The following ZBTB11 variants were observed in gnomAD, a reference collection of about 807,000 sequenced individuals.
ZBTB11 encodes zinc finger and BTB domain containing 11.
ZBTB11 carries 68 observed loss-of-function variants against 113.1 expected under a neutral mutation model. That is an observed-to-expected ratio of 0.60 (90% CI 0.49 to 0.74). The LOEUF (loss-of-function observed/expected upper bound fraction) is 0.74. Among genes scored for constraint, ZBTB11 ranks in the 30% least tolerant of loss-of-function variants. The pLI, the probability that ZBTB11 is intolerant of heterozygous loss-of-function variation, is 0.00. For missense variants in ZBTB11, 1,104 were observed against 1,279.4 expected (o/e 0.86, Z 2.09); for synonymous variants, 518 against 452.6 (o/e 1.14, Z -1.83).
rs1228499576 is a variant in ZBTB11 at position 101,664,698 on chromosome 3, A to G, written c.1640T>C (p.Val547Ala). The change falls in exon 5 of 11, where the codon GTT becomes GCT. Residue 547 changes from valine (V) to alanine (A), a missense_variant. Val to Ala is a moderately conservative substitution (Grantham distance 64). Coordinates refer to ENST00000312938, the MANE Select transcript of ZBTB11 (RefSeq NM_014415.4). ...SAVQQVAQKL[V>A]QRGKKMKQPK... ...CTGTTTCATCTTTTTTCCTCTTTGAACTAACTTCTGAGCCACCTAGTAAGG... is the reference window on the plus strand; with the variant it reads ...CTGTTTCATCTTTTTTCCTCTTTGAGCTAACTTCTGAGCCACCTAGTAAGG... 2 of 1,607,558 alleles carry G rather than the reference A, an allele frequency of 1.2e-6. No homozygotes were observed. The highest frequency in any genetic ancestry group is 1.7e-6 in the Non-Finnish European group (2 of 1,178,232).
chr3:101,665,090 A>G lies in ZBTB11; in HGVS notation c.1497T>C (p.Asp499=), dbSNP rs1195515460. Residue 499 remains aspartate, a synonymous_variant, in exon 4 of 11, where the codon GAT becomes GAC. Transcript: ENST00000312938. Reference sequence around the variant, plus strand: ...GAAGCCTGCTTCTATAAGTATCATCATCAGGGCCAAAGTCTGTCTTTGCTG... The same window carrying G: ...GAAGCCTGCTTCTATAAGTATCATCGTCAGGGCCAAAGTCTGTCTTTGCTG... ...ASTAKTDFGP[D]DDTYRSRLRQ... 2 of 1,614,130 alleles carry G rather than the reference A, an allele frequency of 1.2e-6. No homozygotes were observed. The highest frequency in any genetic ancestry group is 2.2e-5 in the East Asian group (1 of 44,876).
At chr3:101,664,496 T>C (rs1396713083) in intron 5 of ZBTB11, 42 bp downstream of exon 5, 7 of 1,550,868 alleles carry the variant, frequency 4.5e-6, no homozygotes, top group African/African-American at 4.2e-5. Flanking sequence ...TTCTATATAT[T>C]ATGAATTAGA....
chr3:101,673,900 T>C (rs532986983), intron 1 of ZBTB11, among the ~76,000 whole-genome samples: 42 of 152,312 alleles, frequency 2.8e-4, no homozygotes, highest in African/African-American at 9.6e-4. Flanking sequence ...ATTATAAAAG[T>C]ATACACTGAA....
intron 6 of ZBTB11, among the ~76,000 whole-genome samples, chr3:101,658,708 G>A (rs576909981): frequency 5.9e-5 from 9 of 152,146 alleles, no homozygotes; most frequent in Non-Finnish European, 1.2e-4. Flanking sequence ...ATTGGGAGCT[G>A]AGCTATGAAT....
intron 5 of ZBTB11, among the ~76,000 whole-genome samples, chr3:101,660,707 C>T (rs1374786740): frequency 6.6e-6 from 1 of 152,104 alleles, no homozygotes; most frequent in Non-Finnish European, 1.5e-5. Flanking sequence ...TTCCATTACC[C>T]CTCTTTATCA....
intron 3 of ZBTB11, among the ~76,000 whole-genome samples, chr3:101,669,977 C>T (rs948268596): frequency 6.6e-6 from 1 of 151,866 alleles, no homozygotes; most frequent in African/African-American, 2.4e-5. Flanking sequence ...TACAGGCATG[C>T]GCCACCGTGC....
chr3:101,651,233 AG>A lies in ZBTB11; in HGVS notation c.3094del (p.Leu1032TyrfsTer13). ...TTGAATAGCTTCTGCAACTTCAGAT[AG>A]CTTCTGTCCTTGCTGTTGTGCTAAT... is the stretch of plus-strand genomic sequence containing the variant. ...YVLAQQQGQK[L>X]SEVAEAIQTV... On this transcript the variant is annotated frameshift_variant, in exon 11 of 11. Coordinates refer to ENST00000312938, the MANE Select transcript of ZBTB11 (RefSeq NM_014415.4). LOFTEE classifies it high-confidence loss of function. The A allele has an allele frequency of 1.2e-6, 2 of 1,612,684 alleles. No homozygotes were observed. Among genetic ancestry groups the A allele is most frequent in the Non-Finnish European group, 1.7e-6 (2 of 1,179,642 alleles).
At chr3:101,651,974 C>G (rs907421145) in intron 10 of ZBTB11, among the ~76,000 whole-genome samples, 2 of 152,006 alleles carry the variant, frequency 1.3e-5, no homozygotes, top group African/African-American at 4.8e-5. Context: ...ACTAAAAATA[C>G]AAAAATTAGC....
intron 1 of ZBTB11, among the ~76,000 whole-genome samples, chr3:101,676,235 G>A (rs889515129): frequency 1.3e-5 from 2 of 151,954 alleles, no homozygotes; most frequent in Admixed American, 6.5e-5. Context: ...CGTGCACCCC[G>A]CAGCCTCCAC....
intron 8 of ZBTB11, among the ~76,000 whole-genome samples, chr3:101,653,250 T>C (rs1419720947): frequency 6.6e-6 from 1 of 152,240 alleles, no homozygotes. Flanking sequence ...AGTCCATGTG[T>C]TGAGGGTAGA....
At chr3:101,656,035 T>C (rs1237431907) in intron 7 of ZBTB11, 69 bp downstream of exon 7, 3 of 1,149,700 alleles carry the variant, frequency 2.6e-6, no homozygotes, top group Non-Finnish European at 3.5e-6. Flanking sequence ...ATATAATTTC[T>C]GGTATAATTA....
chr3:101,651,369 CCA>C lies in ZBTB11; in HGVS notation c.2957_2958del (p.Val986GlyfsTer17), dbSNP rs1415218315. On this transcript the variant is annotated frameshift_variant, in exon 11 of 11. Coordinates refer to ENST00000312938, the MANE Select transcript of ZBTB11 (RefSeq NM_014415.4). LOFTEE classifies it high-confidence loss of function. The part of the protein sequence containing the change: ...ESSGPQELET[V>X]VVTGETMEAL... ...GCTTCCATAGTTTCTCCTGTCACTA[CCA>C]CAGTCTCAAGTTCTTGAGGACCACT... The C allele has an allele frequency of 6.2e-7, 1 of 1,613,972 alleles. No homozygotes were observed. Among genetic ancestry groups the C allele is most frequent in the Non-Finnish European group, 8.5e-7 (1 of 1,179,902 alleles).
chr3:101,674,540 G>A (rs1406542875), intron 1 of ZBTB11, among the ~76,000 whole-genome samples: 2 of 151,420 alleles, frequency 1.3e-5, no homozygotes, highest in Admixed American at 6.6e-5. Flanking sequence ...GTGAAACCCC[G>A]TCGCTACTAA....
At position 101,651,576 on chromosome 3, in the gene ZBTB11, C is replaced by T; in HGVS notation, c.2752G>A (p.Val918Ile). 1 of 1,613,682 alleles carries T rather than the reference C, an allele frequency of 6.2e-7. No individual in the cohort carries two copies. The highest frequency in any genetic ancestry group is 8.5e-7 in the Non-Finnish European group (1 of 1,179,988). Residue 918 changes from valine (V) to isoleucine (I), a missense_variant, in exon 11 of 11, where the codon GTA (valine) becomes ATA (isoleucine). Val to Ile is a conservative substitution (Grantham distance 29). Transcript: ENST00000312938. ...HTGERPYVCP[V>I]CSEAYIDART... ...GCATCTATGTAGGCTTCGCTACATA[C>T]AGGACAGACATAGGGCCGTTCACCA...
chr3:101,658,164 C>T (rs1936829119), intron 6 of ZBTB11, among the ~76,000 whole-genome samples: 1 of 151,638 alleles, frequency 6.6e-6, no homozygotes, highest in Non-Finnish European at 1.5e-5. Flanking sequence ...TAAAAATGAA[C>T]AAAATAATGG....
At chr3:101,670,329 G>C (rs988555295) in intron 3 of ZBTB11, among the ~76,000 whole-genome samples, 7 of 152,136 alleles carry the variant, frequency 4.6e-5, no homozygotes, top group Admixed American at 3.9e-4. Context: ...GTTACAGCAA[G>C]TTTTATATGA....
chr3:101,658,133 C>T (rs996217629), intron 6 of ZBTB11, among the ~76,000 whole-genome samples: 18 of 152,126 alleles, frequency 1.2e-4, no homozygotes, highest in African/African-American at 3.9e-4. Context: ...TATAAATATA[C>T]CATGGAATAC....
chr3:101,664,923 TA>T, intron 4 of ZBTB11, 40 bp downstream of exon 4: 2 of 1,562,000 alleles, frequency 1.3e-6, no homozygotes, highest in Non-Finnish European at 1.7e-6. Context: ...GCTTTCAACC[TA>T]AAGCTAAAAC....
Position 101,651,103 on chromosome 3 carries a change from A to C in ZBTB11, c.*63T>G. On this transcript the variant is annotated 3_prime_UTR_variant, in exon 11 of 11. Coordinates refer to ENST00000312938, the MANE Select transcript of ZBTB11 (RefSeq NM_014415.4). ...AAGCAGACAGTCACACAGAATTGTA[A>C]ACAAATGTTCTGTGAGTTCAGTGTA... 6.7e-7 allele frequency: 1 copy of C among 1,482,436 alleles called. No individual in the cohort carries two copies. Among genetic ancestry groups the C allele is most frequent in the Non-Finnish European group, 9.0e-7 (1 of 1,112,750 alleles). 91.8% of individuals were successfully genotyped at this position (1,482,436 alleles called of 1,614,324 possible).
Sources: allele counts gnomAD v4.1 joint callset (sites outside exome capture counted in the v4.1 genomes callset), GRCh38; gene constraint gnomAD v4.1.1; transcripts MANE v1.5; gene names NCBI Gene and HGNC (gene_info 2026-07-23, HGNC 2026-07-21).